DNMT1: variants seen among roughly 807,000 people sequenced by gnomAD.
The protein encoded by DNMT1 is DNA (cytosine-5)-methyltransferase 1.
Under a neutral mutation model 205.3 loss-of-function variants are expected in DNMT1, and 24 were observed. That is an observed-to-expected ratio of 0.12 (90% CI 0.08 to 0.16). DNMT1 has a LOEUF of 0.16. Ranked by LOEUF, DNMT1 falls within the 10% of genes least tolerant of loss-of-function variation. The pLI, the probability that DNMT1 is intolerant of heterozygous loss-of-function variation, is 1.00. For missense variants in DNMT1, 1,293 were observed against 2,177.7 expected (o/e 0.59, Z 8.09); for synonymous variants, 817 against 839.8 (o/e 0.97, Z 0.47).
intron 6 of DNMT1, among the ~76,000 whole-genome samples, chr19:10,176,165 A>G (rs556888499): frequency 4.6e-4 from 60 of 129,806 alleles, no homozygotes; most frequent in Admixed American, 7.4e-4. Context: ...AAGACTCCGT[A>G]TCAAAAAAAA....
At position 10,194,855 on chromosome 19, in the gene DNMT1, G is replaced by T. The variant is rs748347654; in HGVS notation, c.45C>A (p.Val15=). The change falls in exon 1 of 41, where the codon GTC becomes GTA. Residue 15 remains valine, a synonymous_variant. Coordinates refer to ENST00000359526, the MANE Select transcript of DNMT1 (RefSeq NM_001130823.3). The stretch of plus-strand genomic sequence containing the variant: ...CATCGTCGGGCAGCGAGATGGCCGG[G>T]ACGGCCAGTGTGGGCACCCGGGCTG... ...TAPARVPTLA[V]PAISLPDDVR... is the part of the protein sequence containing the mutation. The T allele has an allele frequency of 1.7e-5, 28 of 1,611,550 alleles. No individual in the cohort carries two copies. In the Middle Eastern group the frequency reaches 1.5e-3, roughly 85 times the overall value.
rs561134180 is a variant in DNMT1 at position 10,174,568 on chromosome 19, T to C, written c.649-663A>G. ...TAAAAATATAAAAATTAGCTGGGTA[T>C]GATGGCACATGCCTTGTAGTCTCAG... On this transcript the variant is annotated intron_variant, in intron 7 of 40. Coordinates refer to ENST00000359526, the MANE Select transcript of DNMT1 (RefSeq NM_001130823.3). Among the ~76,000 whole-genome samples the C allele has an allele frequency of 2.6e-5, 4 of 151,486 alleles. No individual in the cohort carries two copies. In the South Asian group the frequency reaches 8.4e-4, roughly 32 times the overall value.
At chr19:10,175,358 A>G (rs962621582) in intron 7 of DNMT1, among the ~76,000 whole-genome samples, 182 bp downstream of exon 7, 1 of 152,176 alleles carries the variant, frequency 6.6e-6, no homozygotes, top group Non-Finnish European at 1.5e-5. Context: ...ACACGTGCAT[A>G]TGTATATATG....
At chr19:10,158,059 C>T (rs1295933068) in intron 17 of DNMT1, among the ~76,000 whole-genome samples, 1 of 152,218 alleles carries the variant, frequency 6.6e-6, no homozygotes, top group Non-Finnish European at 1.5e-5. Context: ...AAGTGTCCTC[C>T]AGGCCACCAT....
At position 10,156,535 on chromosome 19, in the gene DNMT1, T is replaced by C; in HGVS notation, c.1281-26A>G. 1.3e-6 allele frequency: 2 copies of C among 1,579,006 alleles called. No homozygotes were observed. Among genetic ancestry groups the C allele is most frequent in the Non-Finnish European group, 1.7e-6 (2 of 1,148,876 alleles). ...CTAGACAGGAAACAAAGCACATGCT[T>C]ACCAGCTAAGCCGTGAAGGCGGGTC... is the stretch of plus-strand genomic sequence containing the variant. On this transcript the variant is annotated intron_variant, in intron 17 of 40. Coordinates refer to ENST00000359526, the MANE Select transcript of DNMT1 (RefSeq NM_001130823.3). The surrounding 1 kb of genome is among the most constrained non-coding windows in gnomAD (Gnocchi z 4.2).
rs2038450563 is a variant in DNMT1, at chr19:10,156,040, C to A, written c.1400-95G>T. 10 of 1,308,342 alleles carry A rather than the reference C, an allele frequency of 7.6e-6. No individual in the cohort carries two copies. Among genetic ancestry groups the A allele is most frequent in the Non-Finnish European group, 1.1e-5 (10 of 931,132 alleles). The allele number at this position is 1,308,342 out of a possible 1,614,324, so 81.0% of individuals were successfully genotyped here. The stretch of plus-strand genomic sequence containing the variant: ...CCCACTCAGCAGACATCCCATCAGC[C>A]AGGTCGGGTGCTCCTCAGTCATCAC... On this transcript the variant is annotated intron_variant, in intron 18 of 40. Coordinates refer to ENST00000359526, the MANE Select transcript of DNMT1 (RefSeq NM_001130823.3). The surrounding 1 kb of genome is among the most constrained non-coding windows in gnomAD (Gnocchi z 4.2).
chr19:10,185,632 G>T (rs868647892), intron 1 of DNMT1, among the ~76,000 whole-genome samples: 1 of 151,960 alleles, frequency 6.6e-6, no homozygotes, highest in Non-Finnish European at 1.5e-5. Context: ...TTTGAGACCA[G>T]CCTGGGCTAC....
intron 9 of DNMT1, among the ~76,000 whole-genome samples, chr19:10,171,814 A>G (rs2038823176): frequency 6.7e-6 from 1 of 148,582 alleles, no homozygotes; most frequent in Non-Finnish European, 1.5e-5. Flanking sequence ...CAAATAAATA[A>G]ATAAATAAAT....
In DNMT1 at chr19:10,154,212, A is replaced by C; in HGVS notation, c.2019+81T>G. 1 of 1,403,430 alleles carries C rather than the reference A, an allele frequency of 7.1e-7. No individual in the cohort carries two copies. Among genetic ancestry groups the C allele is most frequent in the Non-Finnish European group, 9.9e-7 (1 of 1,011,400 alleles). The allele number at this position is 1,403,430 out of a possible 1,614,324, so 86.9% of individuals were successfully genotyped here. A position where few individuals can be genotyped will look rare whatever the true frequency, so the allele number is the denominator to read the frequency against. ...GAGCAGCCAGAGTCTCAAGCCACAGAGAGAAAGATGGAGCAGTCCTCAGAT... is the reference window on the plus strand; with the variant it reads ...GAGCAGCCAGAGTCTCAAGCCACAGCGAGAAAGATGGAGCAGTCCTCAGAT... On this transcript the variant is annotated intron_variant, in intron 22 of 40. Transcript: ENST00000359526. This position sits in a 1 kb window ranked among gnomAD's most constrained non-coding sequence, Gnocchi z 6.3.
rs2038955422 is a variant in DNMT1, at chr19:10,177,328, G to T, written c.533C>A (p.Thr178Asn). ...ATGAGATGTGATGGTGGTTTGCCTG[G>T]TGCTTTTCCTTGTAATCCTGGGGCT... ...SPSPRITRKS[T>N]RQTTITSHFA... Residue 178 changes from threonine (T) to asparagine (N), a missense_variant, in exon 6 of 41, where the codon ACC (threonine) becomes AAC (asparagine). Around this residue, in one of 13 missense-constraint regions of DNMT1, gnomAD observed 394 missense variants for 451.6 expected, o/e 0.87. Transcript: ENST00000359526. 1 of 1,613,860 alleles carries T rather than the reference G, an allele frequency of 6.2e-7. No individual in the cohort carries two copies. The highest frequency in any genetic ancestry group is 8.5e-7 in the Non-Finnish European group (1 of 1,179,954).
At chr19:10,134,074 C>T (rs2089427996) in intron 40 of DNMT1, 143 bp downstream of exon 40, 1 of 798,408 alleles carries the variant, frequency 1.3e-6, no homozygotes, top group Non-Finnish European at 2.1e-6. Flanking sequence ...CTCACAGCAG[C>T]CCCTTGAGAA....
chr19:10,193,433 C>T lies in DNMT1; in HGVS notation c.80+1387G>A, dbSNP rs543793649. Among the ~76,000 whole-genome samples the T allele has an allele frequency of 3.3e-5, 5 of 152,138 alleles. No homozygotes were observed. In the South Asian group the frequency reaches 1.0e-3, roughly 32 times the overall value. ...GGAGTGCAATAGCGCGATCTCAGCT[C>T]GCTACACACAGCCTCAACCTCTGGG... On this transcript the variant is annotated intron_variant, in intron 1 of 40. Transcript: ENST00000359526.
At chr19:10,164,981 C>T (rs1030047995) in intron 11 of DNMT1, among the ~76,000 whole-genome samples, 1 of 126,476 alleles carries the variant, frequency 7.9e-6, no homozygotes, top group African/African-American at 3.0e-5. Context: ...AGACTGAATG[C>T]AACGGTTCAT....
intron 28 of DNMT1, among the ~76,000 whole-genome samples, chr19:10,145,300 C>A (rs193181831): frequency 2.0e-5 from 3 of 152,202 alleles, no homozygotes; most frequent in African/African-American, 7.2e-5. Flanking sequence ...GAAAACACTA[C>A]GGGGAGGTGT....
intron 1 of DNMT1, among the ~76,000 whole-genome samples, chr19:10,182,549 GTATA>G (rs531273804): frequency 4.9e-4 from 71 of 144,546 alleles, no homozygotes; most frequent in African/African-American, 1.8e-3. Flanking sequence ...ATACATATGT[GTATA>G]TATATATACA....
At position 10,156,008 on chromosome 19, in the gene DNMT1, C is replaced by A; in HGVS notation, c.1400-63G>T. On this transcript the variant is annotated intron_variant, in intron 18 of 40. Coordinates refer to ENST00000359526, the MANE Select transcript of DNMT1 (RefSeq NM_001130823.3). The surrounding 1 kb of genome is among the most constrained non-coding windows in gnomAD (Gnocchi z 4.2). ...TCACATCCCAAACCCAGGAGGCGCT[C>A]TAAGCGCCCACTCAGCAGACATCCC... is the stretch of plus-strand genomic sequence containing the variant. The A allele has an allele frequency of 6.5e-7, 1 of 1,540,264 alleles. No homozygotes were observed. The highest frequency in any genetic ancestry group is 8.9e-7 in the Non-Finnish European group (1 of 1,128,534).
chr19:10,157,351 A>C (rs774057523), intron 17 of DNMT1, among the ~76,000 whole-genome samples: 3 of 152,192 alleles, frequency 2.0e-5, no homozygotes, highest in African/African-American at 7.2e-5. Context: ...CAGTGTGAAA[A>C]GGGATGTGGG....
chr19:10,138,726 T>C lies in DNMT1; in HGVS notation c.3949-121A>G. On this transcript the variant is annotated intron_variant, in intron 34 of 40. Coordinates refer to ENST00000359526, the MANE Select transcript of DNMT1 (RefSeq NM_001130823.3). This position sits in a 1 kb window ranked among gnomAD's most constrained non-coding sequence, Gnocchi z 4.1. The stretch of plus-strand genomic sequence containing the variant: ...GTGGCTGGCCAATGCGGAGTGCACT[T>C]GCAGAAATCCCCAGTTACCTCAGCA... 1 of 1,302,632 alleles carries C rather than the reference T, an allele frequency of 7.7e-7. No homozygotes were observed. Among genetic ancestry groups the C allele is most frequent in the Non-Finnish European group, 1.0e-6 (1 of 956,370 alleles). 80.7% of individuals were successfully genotyped at this position (1,302,632 alleles called of 1,614,324 possible). A position where few individuals can be genotyped will look rare whatever the true frequency, so the allele number is the denominator to read the frequency against.
At chr19:10,155,323 G>A (rs1204540023) in intron 19 of DNMT1, among the ~76,000 whole-genome samples, 1 of 151,866 alleles carries the variant, frequency 6.6e-6, no homozygotes, top group Non-Finnish European at 1.5e-5. Flanking sequence ...TGGGTTGCAA[G>A]AATAAGACCT....
Sources: gnomAD v4.1 joint callset for allele counts (sites outside exome capture counted in the v4.1 genomes callset) on GRCh38, gnomAD v4.1.1 for gene constraint, gnomAD v4.1.1 regional missense constraint, Gnocchi (gnomAD v3.1) non-coding constraint, MANE v1.5 for transcripts, NCBI Gene and HGNC (gene_info 2026-07-23, HGNC 2026-07-21) for gene names.